OR13C3: variants seen among roughly 807,000 people sequenced by gnomAD.
OR13C3 encodes the protein olfactory receptor family 13 subfamily C member 3, also known as olfactory receptor 13C3.
Under a neutral mutation model 14.4 loss-of-function variants are expected in OR13C3, and 19 were observed. That is an observed-to-expected ratio of 1.31 (90% confidence interval 0.92 to 1.93). OR13C3 has a LOEUF of 1.93. Among genes scored for constraint, OR13C3 ranks in the 30% most tolerant of loss-of-function variants. OR13C3 has a pLI of 0.00. For missense variants in OR13C3, 394 were observed against 381.4 expected (o/e 1.03, Z -0.27); for synonymous variants, 140 against 142.5 (o/e 0.98, Z 0.12).
At position 104,536,021 on chromosome 9, in the gene OR13C3, G is replaced by A. The variant is rs369932733; in HGVS notation, c.703C>T (p.Arg235Cys). The A allele has an allele frequency of 2.7e-5, 44 of 1,613,848 alleles. No homozygotes were observed. Among genetic ancestry groups the A allele is most frequent in the African/African-American group, 2.7e-4 (20 of 74,882 alleles). ...GCTGAGCACGTGGAAAATGCCTTGC[G>A]TCTTCCTGTGGCTGAATTCATTTGC... Residue 235 changes from arginine to cysteine, a missense_variant, in exon 1 of 1, where the codon CGC (arginine) becomes TGC (cysteine). Physicochemically the swap from Arg to Cys is radical, Grantham distance 180. Coordinates refer to ENST00000641090, the Ensembl canonical transcript of OR13C3.
chr9:104,536,789 C>G (rs145771142), exon 1 of OR13C3: 1 of 1,612,630 alleles, frequency 6.2e-7, no homozygotes, highest in African/African-American at 1.3e-5. Context: ...AAGAAACAAA[C>G]AGTACAAATT....
At chr9:104,536,636 G>T in exon 1 of OR13C3, 1 of 1,614,100 alleles carries the variant, frequency 6.2e-7, no homozygotes, top group South Asian at 1.1e-5. Flanking sequence ...ACTAGAATGA[G>T]AGCAAAGTAA....
Position 104,536,071 on chromosome 9 carries a change from T to C in OR13C3, c.653A>G (p.Tyr218Cys), listed in dbSNP as rs756133701. Residue 218 changes from tyrosine (Y) to cysteine (C), a missense_variant, in exon 1 of 1, where the codon TAT (tyrosine) becomes TGT (cysteine). Tyr to Cys is a radical substitution (Grantham distance 194). Transcript: ENST00000641090. ...CAAGATGGTGTAGAGGATGAACATA[T>C]AGGAGAAAAAAATGACCATCAGTGG... is the stretch of plus-strand genomic sequence containing the variant. The C allele has an allele frequency of 1.4e-5, 22 of 1,613,688 alleles. No homozygotes were observed. Among genetic ancestry groups the C allele is most frequent in the East Asian group, 4.5e-5 (2 of 44,878 alleles).
chr9:104,535,866 T>C lies in OR13C3; in HGVS notation c.858A>G (p.Val286=), dbSNP rs74894567. 2,988 of 1,612,270 alleles carry C rather than the reference T, an allele frequency of 1.9e-3. 49 individuals carry two copies. The African/African-American group carries it at 0.036, about 19-fold the overall frequency. ...GTATAGGATTCAGCATGGGTGTCAC[T>C]ACCCCATAAAACAGAGAAATGAGCT... The change falls in exon 1 of 1, where the codon GTA becomes GTG. Residue 286 remains valine, a synonymous_variant. Coordinates refer to ENST00000641090, the Ensembl canonical transcript of OR13C3.
exon 1 of OR13C3, chr9:104,536,574 G>A: frequency 6.2e-7 from 1 of 1,614,154 alleles, no homozygotes; most frequent in Non-Finnish European, 8.5e-7. Flanking sequence ...GAGAATCAAA[G>A]ATGCTGGCTA....
At position 104,536,359 on chromosome 9, in the gene OR13C3, C is replaced by T. The variant is rs747439617; in HGVS notation, c.365G>A (p.Arg122His). ...CAGTGGGTTGCAGATGGCCACATAACGATCAAATGCCATCATGCCAAGAAG... is the reference window on the plus strand; with the variant it reads ...CAGTGGGTTGCAGATGGCCACATAATGATCAAATGCCATCATGCCAAGAAG... Residue 122 changes from arginine (R) to histidine (H), a missense_variant, in exon 1 of 1, where the codon CGT (arginine) becomes CAT (histidine). Physicochemically the swap from Arg to His is conservative, Grantham distance 29 (BLOSUM62 0). Transcript: ENST00000641090. 1.7e-5 allele frequency: 27 copies of T among 1,613,950 alleles called. No homozygotes were observed. The highest frequency in any genetic ancestry group is 1.1e-4 in the South Asian group (10 of 91,082).
At chr9:104,536,228 G>T (rs1463255101) in exon 1 of OR13C3, 17 of 1,613,946 alleles carry the variant, frequency 1.1e-5, no homozygotes, top group Non-Finnish European at 1.4e-5. Context: ...CAGAAAGGCA[G>T]TCTCATGGCA....
At chr9:104,536,480 A>G (rs748853213) in exon 1 of OR13C3, 3 of 1,614,200 alleles carry the variant, frequency 1.9e-6, no homozygotes, top group Non-Finnish European at 2.5e-6. Flanking sequence ...AAGCTCACCA[A>G]TGTTGAGGGA....
At chr9:104,536,550 T>A in exon 1 of OR13C3, 1 of 1,614,100 alleles carries the variant, frequency 6.2e-7, no homozygotes, top group Non-Finnish European at 8.5e-7. Context: ...AGAAGTACAT[T>A]GGTGTGTGAA....
At chr9:104,536,070 A>G (rs752509915) in exon 1 of OR13C3, 1 of 1,614,100 alleles carries the variant, frequency 6.2e-7, no homozygotes, top group South Asian at 1.1e-5. Flanking sequence ...GGATGAACAT[A>G]TAGGAGAAAA....
exon 1 of OR13C3, chr9:104,535,811 C>A: frequency 6.2e-7 from 1 of 1,613,140 alleles, no homozygotes; most frequent in South Asian, 1.1e-5. Context: ...TTTACAGCAG[C>A]TTTTACATCC....
exon 1 of OR13C3, chr9:104,536,414 C>A: frequency 6.2e-7 from 1 of 1,614,096 alleles, no homozygotes; most frequent in Non-Finnish European, 8.5e-7. Context: ...ATTGCAAACC[C>A]AAAGAACATC....
chr9:104,536,732 C>T (rs1490021198), exon 1 of OR13C3: 1 of 1,613,866 alleles, frequency 6.2e-7, no homozygotes, highest in Admixed American at 1.7e-5. Flanking sequence ...ATGTCATCTG[C>T]TTTCAGGAAA....
At chr9:104,536,814 T>C in exon 1 of OR13C3, 3 of 1,603,166 alleles carry the variant, frequency 1.9e-6, no homozygotes, top group Non-Finnish European at 1.7e-6. Context: ...GAACAATCAT[T>C]CTTTTGACAC....
rs764206746 is a variant in OR13C3 at position 104,536,076 on chromosome 9, G to GA, written c.647dup (p.Ser217LeufsTer81). ...TGGTGTAGAGGATGAACATATAGGA[G>GA]AAAAAAATGACCATCAGTGGAAGAA... On this transcript the variant is annotated frameshift_variant, in exon 1 of 1. Coordinates refer to ENST00000641090, the Ensembl canonical transcript of OR13C3. LOFTEE classifies it high-confidence loss of function. 4 of 1,613,856 alleles carry GA rather than the reference G, an allele frequency of 2.5e-6. No individual in the cohort carries two copies. Among genetic ancestry groups the GA allele is most frequent in the Non-Finnish European group, 3.4e-6 (4 of 1,179,926 alleles).
Position 104,535,898 on chromosome 9 carries a change from A to ATGCT in OR13C3, c.822_825dup (p.Leu276SerfsTer23). The ATGCT allele has an allele frequency of 6.2e-7, 1 of 1,614,014 alleles. No individual in the cohort carries two copies. Among genetic ancestry groups the ATGCT allele is most frequent in the Non-Finnish European group, 8.5e-7 (1 of 1,179,904 alleles). On this transcript the variant is annotated frameshift_variant, in exon 1 of 1. Transcript: ENST00000641090. LOFTEE classifies it high-confidence loss of function. Reference sequence around the variant, plus strand: ...TAAAACAGAGAAATGAGCTTGTCTAATGCTTGCAATTTTTCTTCCCCAATC... The same window carrying ATGCT: ...TAAAACAGAGAAATGAGCTTGTCTAATGCTTGCTTGCAATTTTTCTTCCCCAATC...
At chr9:104,536,166 C>T in exon 1 of OR13C3, 1 of 1,614,098 alleles carries the variant, frequency 6.2e-7, no homozygotes, top group Non-Finnish European at 8.5e-7. Flanking sequence ...CACAGGCCAG[C>T]TTGAGGACAG....
chr9:104,536,218 C>G (rs1828815351), exon 1 of OR13C3: 1 of 1,613,980 alleles, frequency 6.2e-7, no homozygotes, highest in African/African-American at 1.3e-5. Context: ...ATTATTCCCA[C>G]AGAAAGGCAG....
chr9:104,536,746 AAAG>A lies in OR13C3; in HGVS notation c.-26_-24del, dbSNP rs766053717. 3.7e-6 allele frequency: 6 copies of A among 1,613,906 alleles called. No individual in the cohort carries two copies. The East Asian group carries it at 8.9e-5, about 24-fold the overall frequency. ...CATGTCATCTGCTTTCAGGAAATCA[AAAG>A]AAGATCTAACATGAAATGTATTTAC... On this transcript the variant is annotated 5_prime_UTR_variant, in exon 1 of 1. Transcript: ENST00000641090.
Sources: gnomAD v4.1 joint callset for allele counts on GRCh38, gnomAD v4.1.1 for gene constraint, MANE v1.5 for transcripts, NCBI Gene and HGNC (gene_info 2026-07-23, HGNC 2026-07-21) for gene names.